SIRPB1: variants seen among roughly 807,000 people sequenced by gnomAD.
SIRPB1 encodes signal regulatory protein beta 1.
SIRPB1 carries 28 observed loss-of-function variants against 34.1 expected under a neutral mutation model. That is an observed-to-expected ratio of 0.82 (90% CI 0.61 to 1.12). SIRPB1 has a LOEUF of 1.12. SIRPB1 is among the 50% of genes most tolerant of loss of function. The pLI is 0.00. For synonymous variants in SIRPB1, 211 were observed against 203.8 expected, an observed-to-expected ratio of 1.04 and a Z score of -0.30; for missense variants, 499 against 507.0, an observed-to-expected ratio of 0.98 and a Z score of 0.15.
intron 1 of SIRPB1, among the ~76,000 whole-genome samples, chr20:1,579,480 C>G (rs1007681894): frequency 2.0e-5 from 3 of 148,294 alleles, no homozygotes; most frequent in African/African-American, 7.3e-5. Context: ...ACTGCAAGAG[C>G]CTCTGTGGAT....
intron 1 of SIRPB1, 34 bp from the exon 2 acceptor site, chr20:1,578,728 C>A (rs759956847): frequency 6.8e-7 from 1 of 1,475,360 alleles, no homozygotes; most frequent in Non-Finnish European, 9.4e-7. Context: ...ATTTCTTCAT[C>A]CTTACCTGAT....
In SIRPB1 at chr20:1,570,946, G is replaced by A. The variant is rs1347891990; in HGVS notation, c.943C>T (p.Leu315Phe). The change falls in exon 4 of 6, where the codon CTC (leucine) becomes TTC (phenylalanine). Residue 315 changes from leucine (L) to phenylalanine (F), a missense_variant. By Grantham distance (22) the Leu-to-Phe change is conservative. Transcript: ENST00000381605. ...KDGTYNWMSW[L>F]LVNTCAHRDD... Reference sequence around the variant, plus strand: ...CTGTGGGCACAGGTGTTCACCAGGAGCCAGCTCATCCAGTTGTAGGTGCCA... The same window carrying A: ...CTGTGGGCACAGGTGTTCACCAGGAACCAGCTCATCCAGTTGTAGGTGCCA... 6.2e-7 allele frequency: 1 copy of A among 1,614,220 alleles called. No homozygotes were observed. The highest frequency in any genetic ancestry group is 1.7e-5 in the Admixed American group (1 of 60,032).
rs1217836672 is a variant in SIRPB1, at chr20:1,612,922, G to T, written c.76+6947C>A. ...AGGGGAGGTGATGGGGAGGTCAAAAGGTATAAAATTGCAGTAAGTCTGACG... is the reference window on the plus strand; with the variant it reads ...AGGGGAGGTGATGGGGAGGTCAAAATGTATAAAATTGCAGTAAGTCTGACG... On this transcript the variant is annotated intron_variant, in intron 1 of 5. Coordinates refer to ENST00000381605, the MANE Select transcript of SIRPB1 (RefSeq NM_006065.5). Among the ~76,000 whole-genome samples the T allele has an allele frequency of 4.2e-5, 3 of 71,626 alleles. 1 individual carries two copies. The highest frequency in any genetic ancestry group is 1.1e-4 in the Admixed American group (1 of 8,850). 47.0% of individuals were successfully genotyped at this position (71,626 alleles called of 152,430 possible).
chr20:1,619,959 G>A lies in SIRPB1; in HGVS notation c.-15C>T. The A allele has an allele frequency of 6.2e-7, 1 of 1,610,986 alleles. No individual in the cohort carries two copies. The highest frequency in any genetic ancestry group is 8.5e-7 in the Non-Finnish European group (1 of 1,178,580). ...GGCACGGGCATTCTGGAGACCTTAGGAGCCTGCTCTGTCCAAACGTCTGTG... is the reference window on the plus strand; with the variant it reads ...GGCACGGGCATTCTGGAGACCTTAGAAGCCTGCTCTGTCCAAACGTCTGTG... On this transcript the variant is annotated 5_prime_UTR_variant, in exon 1 of 6. Coordinates refer to ENST00000381605, the MANE Select transcript of SIRPB1 (RefSeq NM_006065.5).
chr20:1,573,636 G>A (rs570834306), intron 2 of SIRPB1, among the ~76,000 whole-genome samples: 2 of 145,062 alleles, frequency 1.4e-5, no homozygotes, highest in South Asian at 2.2e-4. Context: ...CTTCAGTTCC[G>A]ATTTTTTGAG....
At position 1,578,140 on chromosome 20, in the gene SIRPB1, C is replaced by T. The variant is rs187678807; in HGVS notation, c.433+198G>A. ...GGGATGCCTTCTGTCCCATCATTTA[C>T]AAGCCGTGGAGCCTCGAGCGACTGC... On this transcript the variant is annotated intron_variant, in intron 2 of 5. Transcript: ENST00000381605. The T allele has an allele frequency of 2.4e-5, 15 of 618,462 alleles. 1 individual carries two copies. The Admixed American group carries it at 3.6e-4, about 15-fold the overall frequency. The allele number at this position is 618,462 out of a possible 1,614,324, so 38.3% of individuals were successfully genotyped here. A position where few individuals can be genotyped will look rare whatever the true frequency, so the allele number is the denominator to read the frequency against.
intron 2 of SIRPB1, among the ~76,000 whole-genome samples, chr20:1,576,865 C>T (rs2091319382): frequency 6.7e-6 from 1 of 148,826 alleles, no homozygotes; most frequent in East Asian, 1.9e-4. Context: ...GACCTAGAAA[C>T]ACCACTTCCA....
intron 5 of SIRPB1, among the ~76,000 whole-genome samples, 179 bp downstream of exon 5, chr20:1,565,974 C>A (rs1301980609): frequency 6.6e-6 from 1 of 152,104 alleles, no homozygotes. Flanking sequence ...CCTGCACACT[C>A]CCTGGGGGTT....
At position 1,579,132 on chromosome 20, in the gene SIRPB1, T is replaced by C. The variant is rs775534408; in HGVS notation, c.77-438A>G. Among the ~76,000 whole-genome samples the C allele has an allele frequency of 5.1e-4, 75 of 147,738 alleles. 11 individuals are homozygous for C. The highest frequency in any genetic ancestry group is 5.9e-4 in the Non-Finnish European group (39 of 66,024). ...ATACCTGGCCAATTTTTGTATTTTT[T>C]CTAGAGACACAGTTTCACCATGTTG... On this transcript the variant is annotated intron_variant, in intron 1 of 5. Transcript: ENST00000381605.
intron 1 of SIRPB1, among the ~76,000 whole-genome samples, chr20:1,617,792 G>A (rs1224736609): frequency 6.6e-6 from 1 of 152,250 alleles, no homozygotes; most frequent in East Asian, 1.9e-4. Flanking sequence ...TACATGATAA[G>A]TATATACAGT....
intron 1 of SIRPB1, chr20:1,591,371 G>A (rs2122256726): frequency 2.0e-5 from 1 of 48,976 alleles, no homozygotes; most frequent in Admixed American, 1.4e-4. Flanking sequence ...TGCAGAGAGG[G>A]TGGTGGTGCC....
Position 1,577,097 on chromosome 20 carries a change from C to T in SIRPB1, c.433+1241G>A, listed in dbSNP as rs1166380518. Among the ~76,000 whole-genome samples the T allele has an allele frequency of 2.7e-5, 4 of 148,066 alleles. 1 individual carries two copies. Among genetic ancestry groups the T allele is most frequent in the Non-Finnish European group, 6.0e-5 (4 of 66,130 alleles). The stretch of plus-strand genomic sequence containing the variant: ...TCTCGATATGAAATGACAGGGCTTA[C>T]ATTTGGGAGAAGTTTTCTAGTCACC... On this transcript the variant is annotated intron_variant, in intron 2 of 5. Transcript: ENST00000381605.
chr20:1,619,549 G>A (rs559635084), intron 1 of SIRPB1, among the ~76,000 whole-genome samples: 6 of 152,310 alleles, frequency 3.9e-5, no homozygotes, highest in South Asian at 4.1e-4. Flanking sequence ...TGTGGACTTG[G>A]GCATGTCACT....
chr20:1,618,635 G>A (rs2091664811), intron 1 of SIRPB1, among the ~76,000 whole-genome samples: 1 of 152,218 alleles, frequency 6.6e-6, no homozygotes, highest in Non-Finnish European at 1.5e-5. Context: ...TCTAGGGCCT[G>A]TGAGGTGACA....
At chr20:1,616,999 T>C (rs1314453298) in intron 1 of SIRPB1, among the ~76,000 whole-genome samples, 1 of 152,176 alleles carries the variant, frequency 6.6e-6, no homozygotes, top group African/African-American at 2.4e-5. Context: ...TGAGCTATCA[T>C]CTCACACTTG....
chr20:1,572,347 C>T (rs1317276067), intron 2 of SIRPB1, among the ~76,000 whole-genome samples: 1 of 151,974 alleles, frequency 6.6e-6, no homozygotes, highest in East Asian at 1.9e-4. Context: ...ATTGGTCTCC[C>T]TCCATGTTAT....
rs1479653409 is a variant in SIRPB1, at chr20:1,612,727, T to A, written c.76+7142A>T. On this transcript the variant is annotated intron_variant, in intron 1 of 5. Coordinates refer to ENST00000381605, the MANE Select transcript of SIRPB1 (RefSeq NM_006065.5). Reference sequence around the variant, plus strand: ...TAAACACATTACATAAGTTTCCTAATGCTGATGTGACAAATTACCAAAACT... The same window carrying A: ...TAAACACATTACATAAGTTTCCTAAAGCTGATGTGACAAATTACCAAAACT... 5.5e-5 allele frequency among the ~76,000 whole-genome samples: 4 copies of A among 73,122 alleles called. 2 individuals are homozygous for A. The East Asian group carries it at 2.3e-3, about 42-fold the overall frequency. 48.0% of individuals were successfully genotyped at this position (73,122 alleles called of 152,430 possible).
At chr20:1,588,765 A>G in intron 1 of SIRPB1, 1 of 339,680 alleles carries the variant, frequency 2.9e-6, no homozygotes. Context: ...TGCGACAGCA[A>G]CTTGCTTCTA....
At position 1,611,324 on chromosome 20, in the gene SIRPB1, C is replaced by G. The variant is rs780524778; in HGVS notation, c.76+8545G>C. 28 of 833,456 alleles carry G rather than the reference C, an allele frequency of 3.4e-5. 11 individuals are homozygous for G. The highest frequency in any genetic ancestry group is 1.0e-4 in the African/African-American group (2 of 20,012). 51.6% of individuals were successfully genotyped at this position (833,456 alleles called of 1,614,324 possible). On this transcript the variant is annotated intron_variant, in intron 1 of 5. Transcript: ENST00000381605. Reference sequence around the variant, plus strand: ...GTAATTATTGAGTTATTGTCACACACTAGGGGATGAAGGAAGCCCACGCTG... The same window carrying G: ...GTAATTATTGAGTTATTGTCACACAGTAGGGGATGAAGGAAGCCCACGCTG...
Sources: allele counts gnomAD v4.1 joint callset (sites outside exome capture counted in the v4.1 genomes callset), GRCh38; gene constraint gnomAD v4.1.1; transcripts MANE v1.5; gene names NCBI Gene and HGNC (gene_info 2026-07-23, HGNC 2026-07-21).